Variants in OTOA observed in about 807,000 individuals in gnomAD.
OTOA encodes the protein cancer/testis antigen 108.
In OTOA, 70 loss-of-function variants were observed where a neutral mutation model predicts 110.8. The observed-to-expected ratio is 0.63, with a 90% CI of 0.52 to 0.77. OTOA has a LOEUF of 0.77. Among genes scored for constraint, OTOA ranks in the 30% least tolerant of loss-of-function variants. The pLI, the probability that OTOA is intolerant of heterozygous loss-of-function variation, is 0.00. For synonymous variants in OTOA, 373 were observed against 431.5 expected, an observed-to-expected ratio of 0.86 and a Z score of 1.68; for missense variants, 917 against 1,075.8, an observed-to-expected ratio of 0.85 and a Z score of 2.06.
In OTOA at chr16:21,716,893, C is replaced by T. The variant is rs202097061; in HGVS notation, c.1489-14C>T. Reference sequence around the variant, plus strand: ...TTTTTACAATGTTGTTTTGTTGCTTCTCGCTTCTGGCAGATGGTCCAAGCG... The same window carrying T: ...TTTTTACAATGTTGTTTTGTTGCTTTTCGCTTCTGGCAGATGGTCCAAGCG... On this transcript the variant is annotated splice_polypyrimidine_tract_variant and intron_variant, in intron 14 of 28. Coordinates refer to ENST00000646100, the MANE Select transcript of OTOA (RefSeq NM_144672.4). 164 of 1,613,742 alleles carry T rather than the reference C, an allele frequency of 1.0e-4. No homozygotes were observed. The East Asian group carries it at 2.5e-3, about 25-fold the overall frequency.
chr16:21,728,243 C>G lies in OTOA; in HGVS notation c.2019C>G (p.Asp673Glu). The change falls in exon 20 of 29, where the codon GAC becomes GAG. Residue 673 changes from aspartate to glutamate, a missense_variant and splice_region_variant. Physicochemically the swap from Asp to Glu is conservative, Grantham distance 45. Coordinates refer to ENST00000646100, the MANE Select transcript of OTOA (RefSeq NM_144672.4). ...SVLRKVQQCL[D>E]DSIADEYTVD... ...TTGGCTCCACTTTTTGGGTTCAGGACGACTCCATTGCTGATGAGTACACTG... is the reference window on the plus strand; with the variant it reads ...TTGGCTCCACTTTTTGGGTTCAGGAGGACTCCATTGCTGATGAGTACACTG... The G allele has an allele frequency of 6.2e-7, 1 of 1,614,134 alleles. No homozygotes were observed. The highest frequency in any genetic ancestry group is 2.2e-5 in the East Asian group (1 of 44,872).
intron 9 of OTOA, among the ~76,000 whole-genome samples, chr16:21,696,092 G>T (rs1462745586): frequency 6.6e-6 from 1 of 151,028 alleles, no homozygotes; most frequent in Non-Finnish European, 1.5e-5. Flanking sequence ...ATGGGGTTTC[G>T]CCATGTTGAC....
intron 18 of OTOA, 97 bp from the exon 19 acceptor site, chr16:21,726,426 G>A: frequency 6.6e-7 from 1 of 1,522,858 alleles, no homozygotes; most frequent in Non-Finnish European, 9.1e-7. Flanking sequence ...TTTAAAGAAT[G>A]TCTTTGGGAT....
At chr16:21,695,891 A>ATATATATATATATATTTT (rs569493650) in intron 9 of OTOA, among the ~76,000 whole-genome samples, 2 of 41,890 alleles carry the variant, frequency 4.8e-5, no homozygotes, top group African/African-American at 1.5e-4. Context: ...ATATATATAT[A>ATATATATATATATATTTT]TTTTTTTTTT....
At chr16:21,698,588 C>T (rs1214576855) in intron 10 of OTOA, among the ~76,000 whole-genome samples, 2 of 152,028 alleles carry the variant, frequency 1.3e-5, no homozygotes, top group African/African-American at 4.8e-5. Context: ...CTCTTCTGGC[C>T]AGTGAGAGAA....
intron 6 of OTOA, among the ~76,000 whole-genome samples, chr16:21,684,766 T>G (rs912794126): frequency 1.0e-4 from 1 of 10,002 alleles, no homozygotes; most frequent in Non-Finnish European, 9.0e-4. Context: ...ATTATTATTA[T>G]TTTTTAGGTG....
chr16:21,707,595 TTC>T (rs1276576261), intron 12 of OTOA, among the ~76,000 whole-genome samples: 3 of 35,488 alleles, frequency 8.5e-5, no homozygotes, highest in Admixed American at 5.8e-4. Flanking sequence ...CTCCTTCCTT[TTC>T]TTTCTTTCTT....
intron 28 of OTOA, among the ~76,000 whole-genome samples, chr16:21,759,271 G>C (rs1050976799): frequency 9.2e-5 from 14 of 152,082 alleles, no homozygotes; most frequent in Non-Finnish European, 1.5e-4. Context: ...TGCATACACA[G>C]CAAATCAAAT....
At chr16:21,725,922 T>C (rs1898901104) in intron 18 of OTOA, among the ~76,000 whole-genome samples, 1 of 152,184 alleles carries the variant, frequency 6.6e-6, no homozygotes, top group Admixed American at 6.5e-5. Context: ...CAAACCAGTT[T>C]CTCCTTCTTG....
At chr16:21,694,962 G>C (rs759587502) in intron 9 of OTOA, among the ~76,000 whole-genome samples, 19 of 152,186 alleles carry the variant, frequency 1.2e-4, no homozygotes, top group Admixed American at 5.2e-4. Context: ...AGTTTAATTA[G>C]GCACAGACTT....
intron 5 of OTOA, among the ~76,000 whole-genome samples, chr16:21,681,248 C>A (rs1012807831): frequency 6.6e-6 from 1 of 152,178 alleles, no homozygotes; most frequent in Non-Finnish European, 1.5e-5. Context: ...GGGATCCAGG[C>A]AGATTCCTAG....
At chr16:21,752,187 C>T (rs1175171478) in intron 25 of OTOA, 110 bp downstream of exon 25, 1 of 301,386 alleles carries the variant, frequency 3.3e-6, no homozygotes, top group Non-Finnish European at 6.5e-6. Context: ...CACCTCCTGA[C>T]ACTTGGCACC....
At chr16:21,680,847 T>A (rs532896008) in intron 5 of OTOA, among the ~76,000 whole-genome samples, 79 of 148,626 alleles carry the variant, frequency 5.3e-4, no homozygotes, top group Non-Finnish European at 9.4e-4. Context: ...AGTGAGACTC[T>A]GTCTCCAAAA....
At chr16:21,678,110 T>G (rs987948831) in intron 1 of OTOA, among the ~76,000 whole-genome samples, 1 of 152,034 alleles carries the variant, frequency 6.6e-6, no homozygotes, top group African/African-American at 2.4e-5. Context: ...GGTCTCGAAC[T>G]CCTGACCTCA....
chr16:21,684,464 G>A, intron 6 of OTOA: 1 of 1,545,418 alleles, frequency 6.5e-7, no homozygotes, highest in Non-Finnish European at 8.7e-7. Flanking sequence ...GGTAGCTTGG[G>A]TTTGGGCACA....
chr16:21,730,617 A>G (rs1230480207), intron 20 of OTOA: 7 of 496,382 alleles, frequency 1.4e-5, no homozygotes, highest in African/African-American at 1.4e-4. Flanking sequence ...GATACCAGAG[A>G]AAGGAGAGCT....
chr16:21,698,294 C>G (rs1385714494), intron 10 of OTOA, among the ~76,000 whole-genome samples: 1 of 152,122 alleles, frequency 6.6e-6, no homozygotes, highest in Non-Finnish European at 1.5e-5. Context: ...CTATTTATAG[C>G]TACTTCTGTT....
chr16:21,698,310 C>T (rs190974197), intron 10 of OTOA, among the ~76,000 whole-genome samples: 1 of 152,276 alleles, frequency 6.6e-6, no homozygotes, highest in East Asian at 1.9e-4. Context: ...CTGTTAATAG[C>T]TACTTGAGCA....
intron 12 of OTOA, among the ~76,000 whole-genome samples, chr16:21,706,145 A>C (rs556187768): frequency 6.6e-6 from 1 of 152,316 alleles, no homozygotes; most frequent in East Asian, 1.9e-4. Flanking sequence ...AAATATGCAT[A>C]CAGATCACCT....
Sources: gnomAD v4.1 joint callset for allele counts (sites outside exome capture counted in the v4.1 genomes callset) on GRCh38, gnomAD v4.1.1 for gene constraint, MANE v1.5 for transcripts, NCBI Gene and HGNC (gene_info 2026-07-23, HGNC 2026-07-21) for gene names.